ZNF787: variants seen among roughly 807,000 people sequenced by gnomAD.
ZNF787 encodes TTF-I-interacting peptide 20.
Under a neutral mutation model 16.9 loss-of-function variants are expected in ZNF787, and 7 were observed. The observed-to-expected ratio is 0.42, with a 90% CI of 0.24 to 0.78. The LOEUF (loss-of-function observed/expected upper bound fraction) is 0.78, where lower values mean the gene tolerates loss of function less well. Among genes scored for constraint, ZNF787 ranks in the 30% least tolerant of loss-of-function variants. The pLI, the probability that ZNF787 is intolerant of heterozygous loss-of-function variation, is 0.30. For synonymous variants in ZNF787, 345 were observed against 270.9 expected, an observed-to-expected ratio of 1.27 and a Z score of -2.69; for missense variants, 551 against 589.3, an observed-to-expected ratio of 0.94 and a Z score of 0.67.
intron 2 of ZNF787, chr19:56,102,655 C>CG: frequency 2.1e-6 from 1 of 487,390 alleles, no homozygotes; most frequent in South Asian, 3.9e-5. Flanking sequence ...CGTCAGCCTG[C>CG]GGGTTCCCTG....
intron 2 of ZNF787, among the ~76,000 whole-genome samples, chr19:56,097,082 G>A (rs771334944): frequency 1.3e-5 from 2 of 152,146 alleles, no homozygotes; most frequent in African/African-American, 4.8e-5. Flanking sequence ...CAGCCTGCAG[G>A]AGGCTGCATG....
chr19:56,114,637 C>T (rs1568536039), intron 1 of ZNF787, among the ~76,000 whole-genome samples: 1 of 152,216 alleles, frequency 6.6e-6, no homozygotes, highest in Non-Finnish European at 1.5e-5. Flanking sequence ...CCCCACCTTT[C>T]CCATGGCAGG....
intron 2 of ZNF787, among the ~76,000 whole-genome samples, chr19:56,101,353 C>T (rs1205011038): frequency 6.6e-6 from 1 of 152,276 alleles, no homozygotes; most frequent in African/African-American, 2.4e-5. Context: ...CCAGAGGCGG[C>T]GCCAAGCGCA....
intron 2 of ZNF787, among the ~76,000 whole-genome samples, chr19:56,094,023 CATTTTATTT>C (rs1985767520): frequency 1.1e-4 from 2 of 18,742 alleles, no homozygotes; most frequent in Middle Eastern, 0.036. Flanking sequence ...AATCTTTTTT[CATTTTATTT>C]ATTTATTTTG....
At chr19:56,115,109 G>C (rs1392173347) in intron 1 of ZNF787, among the ~76,000 whole-genome samples, 1 of 151,938 alleles carries the variant, frequency 6.6e-6, no homozygotes, top group Admixed American at 6.6e-5. Flanking sequence ...ACACCACGGA[G>C]ATCCCAGGCC....
chr19:56,120,396 C>T (rs1323997199), intron 1 of ZNF787, among the ~76,000 whole-genome samples: 1 of 152,214 alleles, frequency 6.6e-6, no homozygotes, highest in African/African-American at 2.4e-5. Flanking sequence ...AGGGAGGCCT[C>T]AGGAGTCGCC....
intron 1 of ZNF787, among the ~76,000 whole-genome samples, chr19:56,112,595 C>G (rs1269949693): frequency 6.6e-6 from 1 of 151,102 alleles, no homozygotes; most frequent in Non-Finnish European, 1.5e-5. Flanking sequence ...TCCTGGCCCT[C>G]CGTGGCCCTC....
At chr19:56,089,773 T>A (rs573655526) in intron 2 of ZNF787, among the ~76,000 whole-genome samples, 1 of 152,278 alleles carries the variant, frequency 6.6e-6, no homozygotes, top group Admixed American at 6.5e-5. Flanking sequence ...GTGAGGACAA[T>A]TCGGGCACAC....
chr19:56,116,076 T>C (rs987247332), intron 1 of ZNF787, among the ~76,000 whole-genome samples: 1 of 151,494 alleles, frequency 6.6e-6, no homozygotes, highest in African/African-American at 2.4e-5. Flanking sequence ...CGGGGGAGGG[T>C]GCAGGCGGAT....
chr19:56,109,772 T>G (rs1417183913), intron 1 of ZNF787, among the ~76,000 whole-genome samples: 3 of 152,062 alleles, frequency 2.0e-5, no homozygotes, highest in Admixed American at 6.5e-5. Context: ...TAGTCCCAGC[T>G]ACTCGGGAGG....
At chr19:56,093,490 G>A (rs544148115) in intron 2 of ZNF787, among the ~76,000 whole-genome samples, 1 of 152,076 alleles carries the variant, frequency 6.6e-6, no homozygotes, top group Non-Finnish European at 1.5e-5. Context: ...GTGTTTTCTC[G>A]GCTGCATCCC....
chr19:56,112,558 T>TC (rs1190432950), intron 1 of ZNF787, among the ~76,000 whole-genome samples: 7 of 130,636 alleles, frequency 5.4e-5, no homozygotes, highest in African/African-American at 8.8e-5. Flanking sequence ...CACCTCCTCC[T>TC]CCCCCCGCAC....
In ZNF787 at chr19:56,088,241, C is replaced by T. The variant is rs1318062977; in HGVS notation, c.931G>A (p.Gly311Arg). Residue 311 changes from glycine (G) to arginine (R), a missense_variant, in exon 3 of 3, where the codon GGG (glycine) becomes AGG (arginine). Physicochemically the swap from Gly to Arg is moderately radical, Grantham distance 125 (BLOSUM62 -2). Transcript: ENST00000610935. The surrounding 1 kb of genome is among the most constrained non-coding windows in gnomAD (Gnocchi z 8.6). ...CAGATGTGGGCCGGCTCCTCGCCCC[C>T]CGCCGCCCCGAGCCCGTCCCCGTGC... ...AQHGDGLGAA[G>R]GEEPAHICVE... The T allele has an allele frequency of 6.8e-7, 1 of 1,480,298 alleles. No individual in the cohort carries two copies. The highest frequency in any genetic ancestry group is 8.9e-7 in the Non-Finnish European group (1 of 1,119,964). 91.7% of individuals were successfully genotyped at this position (1,480,298 alleles called of 1,614,324 possible). A position where few individuals can be genotyped will look rare whatever the true frequency, so the allele number is the denominator to read the frequency against.
At chr19:56,114,422 G>GCTCT (rs2030072293) in intron 1 of ZNF787, among the ~76,000 whole-genome samples, 1 of 9,136 alleles carries the variant, frequency 1.1e-4, no homozygotes, top group Non-Finnish European at 6.6e-4. Context: ...GGCCAGGCCT[G>GCTCT]GTCTCTCTGA....
rs750950100 is a variant in ZNF787 at position 56,088,114 on chromosome 19, C to G, written c.1058G>C (p.Ser353Thr). The G allele has an allele frequency of 3.9e-6, 6 of 1,541,574 alleles. 1 individual carries two copies. Among genetic ancestry groups the G allele is most frequent in the South Asian group, 3.5e-5 (3 of 85,432 alleles). Residue 353 changes from serine to threonine, a missense_variant, in exon 3 of 3, where the codon AGC (serine) becomes ACC (threonine). Coordinates refer to ENST00000610935, the MANE Select transcript of ZNF787 (RefSeq NM_001002836.4). This position sits in a 1 kb window ranked among gnomAD's most constrained non-coding sequence, Gnocchi z 8.6. ...CTCCTCCCCGCCCGCGCGGTAGTAG[C>G]TCTGTCCGCAGCTGCTGCAGACCGA... The part of the protein sequence containing the change: ...APSVCSSCGQ[S>T]YYRAGGEEED...
intron 2 of ZNF787, among the ~76,000 whole-genome samples, chr19:56,096,237 A>AAAAAAATAAAAAAAT (rs374168080): frequency 1.1e-4 from 11 of 100,236 alleles, no homozygotes; most frequent in Non-Finnish European, 1.9e-4. Flanking sequence ...CTAAAAAAAT[A>AAAAAAATAAAAAAAT]AAAAAAATAA....
intron 1 of ZNF787, among the ~76,000 whole-genome samples, chr19:56,117,323 A>G (rs542094702): frequency 6.6e-6 from 1 of 152,196 alleles, no homozygotes; most frequent in African/African-American, 2.4e-5. Context: ...GGCTTCCACA[A>G]GCAGAGTGGC....
intron 1 of ZNF787, among the ~76,000 whole-genome samples, chr19:56,105,728 C>T (rs568500817): frequency 6.6e-6 from 1 of 152,274 alleles, no homozygotes; most frequent in East Asian, 1.9e-4. Context: ...ATTAAAACAG[C>T]TTCATTAAGA....
At chr19:56,106,130 C>CT (rs1599952516) in intron 1 of ZNF787, among the ~76,000 whole-genome samples, 1 of 151,798 alleles carries the variant, frequency 6.6e-6, no homozygotes, top group African/African-American at 2.4e-5. Flanking sequence ...CGCATTCCCC[C>CT]GCCGCGCCCT....
Sources: allele counts gnomAD v4.1 joint callset (sites outside exome capture counted in the v4.1 genomes callset), GRCh38; gene constraint gnomAD v4.1.1; non-coding constraint Gnocchi (gnomAD v3.1); transcripts MANE v1.5; gene names NCBI Gene and HGNC (gene_info 2026-07-23, HGNC 2026-07-21).